CNN3: variants seen among roughly 807,000 people sequenced by gnomAD.
CNN3 encodes the protein calponin 3.
Under a neutral mutation model 39.0 loss-of-function variants are expected in CNN3, and 11 were observed. The observed-to-expected ratio is 0.28, with a 90% CI of 0.18 to 0.47. The LOEUF is 0.47. CNN3 is among the 20% of genes least tolerant of loss of function. CNN3 has a pLI of 0.99. For missense variants in CNN3, 266 were observed against 403.4 expected (o/e 0.66, Z 2.92); for synonymous variants, 101 against 138.3 (o/e 0.73, Z 1.89).
At chr1:94,915,646 T>C (rs1322412171) in intron 1 of CNN3, among the ~76,000 whole-genome samples, 2 of 152,006 alleles carry the variant, frequency 1.3e-5, no homozygotes, top group Admixed American at 1.3e-4. Context: ...ACAACCAGGC[T>C]CTAACAAAAT....
intron 1 of CNN3, among the ~76,000 whole-genome samples, chr1:94,920,836 T>C (rs986473909): frequency 6.6e-6 from 1 of 152,188 alleles, no homozygotes; most frequent in Non-Finnish European, 1.5e-5. Context: ...TTTTTCATAA[T>C]GAGGACCCCC....
intron 1 of CNN3, among the ~76,000 whole-genome samples, chr1:94,913,210 T>C (rs1268501488): frequency 6.6e-6 from 1 of 152,246 alleles, no homozygotes; most frequent in Admixed American, 6.5e-5. Context: ...TGCATAGTTA[T>C]ACAATTCTTC....
At chr1:94,918,466 C>A (rs1156814005) in intron 1 of CNN3, among the ~76,000 whole-genome samples, 1 of 140,742 alleles carries the variant, frequency 7.1e-6, no homozygotes, top group Non-Finnish European at 1.5e-5. Flanking sequence ...GGTATTCCAG[C>A]CTGGGCGACA....
intron 1 of CNN3, among the ~76,000 whole-genome samples, chr1:94,906,053 G>A (rs1670992093): frequency 6.6e-6 from 1 of 152,152 alleles, no homozygotes. Flanking sequence ...CGTGAACTCA[G>A]CTCACTGCAA....
At chr1:94,898,934 T>C (rs1484013039) in intron 6 of CNN3, among the ~76,000 whole-genome samples, 1 of 152,186 alleles carries the variant, frequency 6.6e-6, no homozygotes, top group Non-Finnish European at 1.5e-5. Flanking sequence ...GGATGTGGTA[T>C]ACTGGTATTT....
chr1:94,917,431 A>G (rs1013427456), intron 1 of CNN3, among the ~76,000 whole-genome samples: 2 of 152,186 alleles, frequency 1.3e-5, no homozygotes, highest in Admixed American at 1.3e-4. Flanking sequence ...TCTGCTGGGG[A>G]CGAGGGATGG....
intron 5 of CNN3, among the ~76,000 whole-genome samples, chr1:94,899,927 AG>A (rs1021010530): frequency 7.7e-4 from 118 of 152,344 alleles, no homozygotes; most frequent in African/African-American, 2.6e-3. Flanking sequence ...AAAATGTGAA[AG>A]CAAATGCCAA....
chr1:94,908,113 G>A (rs1395279143), intron 1 of CNN3, among the ~76,000 whole-genome samples: 1 of 152,136 alleles, frequency 6.6e-6, no homozygotes, highest in Non-Finnish European at 1.5e-5. Context: ...ATGATCCAGA[G>A]ACCGAGGAGA....
At chr1:94,923,326 A>C (rs924479236) in intron 1 of CNN3, among the ~76,000 whole-genome samples, 3 of 152,084 alleles carry the variant, frequency 2.0e-5, no homozygotes, top group Admixed American at 2.0e-4. Flanking sequence ...CCATTATTTT[A>C]TGAGTGTTTC....
At position 94,897,722 on chromosome 1, in the gene CNN3, T is replaced by C; in HGVS notation, c.*20A>G. 1 of 1,596,636 alleles carries C rather than the reference T, an allele frequency of 6.3e-7. No homozygotes were observed. Among genetic ancestry groups the C allele is most frequent in the Non-Finnish European group, 8.6e-7 (1 of 1,166,466 alleles). On this transcript the variant is annotated 3_prime_UTR_variant, in exon 7 of 7. Transcript: ENST00000370206. ...TGAATAAAAACAAAGGACTAAATAC[T>C]GAGCTCCTTCTGTGTGGATCTAATA...
Position 94,899,444 on chromosome 1 carries a change from T to C in CNN3, c.575A>G (p.Lys192Arg), listed in dbSNP as rs1317175171. Residue 192 changes from lysine to arginine, a missense_variant, in exon 6 of 7, where the codon AAA becomes AGA. Transcript: ENST00000370206. ...YGTRRHLYDP[K>R]MQTDKPFDQT... is the part of the protein sequence containing the mutation. ...GTCAAAAGGTTTGTCAGTTTGCATT[T>C]TGGGATCATAAAGATGCCTCCTAGT... 3 of 1,614,144 alleles carry C rather than the reference T, an allele frequency of 1.9e-6. No individual in the cohort carries two copies. The highest frequency in any genetic ancestry group is 1.7e-6 in the Non-Finnish European group (2 of 1,179,978).
intron 1 of CNN3, among the ~76,000 whole-genome samples, chr1:94,907,679 T>C (rs1671040572): frequency 6.6e-6 from 1 of 152,084 alleles, no homozygotes; most frequent in African/African-American, 2.4e-5. Context: ...GCTAACACGG[T>C]GAAACCCTGT....
chr1:94,925,528 C>T (rs1429898560), intron 1 of CNN3: 2 of 875,690 alleles, frequency 2.3e-6, no homozygotes, highest in Non-Finnish European at 2.7e-6. Flanking sequence ...GATACATAGA[C>T]TAAAATCAAC....
In CNN3 at chr1:94,899,501, C is replaced by T; in HGVS notation, c.518G>A (p.Cys173Tyr). ...VIGLQMGTNK[C>Y]ASQAGMTAYG... ...AGCTGTCATACCTGCCTGGCTGGCA[C>T]ATTTGTTGGTTCCCATCTTTTAAGT... The change falls in exon 6 of 7, where the codon TGT becomes TAT. Residue 173 changes from cysteine to tyrosine, a missense_variant. By Grantham distance (194) the Cys-to-Tyr change is radical. Coordinates refer to ENST00000370206, the MANE Select transcript of CNN3 (RefSeq NM_001839.5). 6.2e-7 allele frequency: 1 copy of T among 1,611,930 alleles called. No homozygotes were observed. Among genetic ancestry groups the T allele is most frequent in the East Asian group, 2.2e-5 (1 of 44,792 alleles).
At chr1:94,915,083 G>C (rs903919107) in intron 1 of CNN3, among the ~76,000 whole-genome samples, 2 of 152,132 alleles carry the variant, frequency 1.3e-5, no homozygotes, top group Admixed American at 1.3e-4. Flanking sequence ...GGGTCTCCCT[G>C]TGTTGCCTAG....
chr1:94,926,669 C>T lies in CNN3; in HGVS notation c.57+169G>A, dbSNP rs558496309. 1.9e-3 allele frequency among the ~76,000 whole-genome samples: 294 copies of T among 152,312 alleles called. 2 individuals carry two copies. The highest frequency in any genetic ancestry group is 6.6e-3 in the African/African-American group (275 of 41,576). Reference sequence around the variant, plus strand: ...GGTGCCCGGGAGCCGGCCCCGCAAGCCCGGGGACTGGACGCGACCGGGACA... The same window carrying T: ...GGTGCCCGGGAGCCGGCCCCGCAAGTCCGGGGACTGGACGCGACCGGGACA... On this transcript the variant is annotated intron_variant, in intron 1 of 6. Coordinates refer to ENST00000370206, the MANE Select transcript of CNN3 (RefSeq NM_001839.5). The surrounding 1 kb of genome is among the most constrained non-coding windows in gnomAD (Gnocchi z 4.2).
chr1:94,902,333 CATAAACAGTT>C (rs1369059700), intron 3 of CNN3, 75 bp from the exon 4 acceptor site: 1 of 1,355,424 alleles, frequency 7.4e-7, no homozygotes, highest in East Asian at 2.4e-5. Context: ...TCCAAGTCTT[CATAAACAGTT>C]ATAAGACGCT....
At chr1:94,922,622 T>C (rs761813651) in intron 1 of CNN3, among the ~76,000 whole-genome samples, 2 of 152,194 alleles carry the variant, frequency 1.3e-5, no homozygotes, top group Non-Finnish European at 2.9e-5. Context: ...ACCAAGATTC[T>C]GGTGCTCTAC....
At chr1:94,901,334 A>G (rs1177029949) in intron 5 of CNN3, among the ~76,000 whole-genome samples, 3 of 151,692 alleles carry the variant, frequency 2.0e-5, no homozygotes, top group Non-Finnish European at 4.4e-5. Flanking sequence ...AGCCTGGGCA[A>G]AAGAGTGAGA....
Sources: gnomAD v4.1 joint callset for allele counts (sites outside exome capture counted in the v4.1 genomes callset) on GRCh38, gnomAD v4.1.1 for gene constraint, Gnocchi (gnomAD v3.1) non-coding constraint, MANE v1.5 for transcripts, NCBI Gene and HGNC (gene_info 2026-07-23, HGNC 2026-07-21) for gene names.